Variants in DYM observed in about 807,000 individuals in gnomAD.
DYM encodes the protein dymeclin.
In DYM, 78 loss-of-function variants were observed where a neutral mutation model predicts 93.1. That is an observed-to-expected ratio of 0.84 (90% CI 0.70 to 1.01). The LOEUF (loss-of-function observed/expected upper bound fraction) is 1.01. Among genes scored for constraint, DYM ranks in the 50% least tolerant of loss-of-function variants. DYM has a pLI of 0.00. For synonymous variants in DYM, 321 were observed against 319.7 expected (o/e 1.00, Z -0.04); for missense variants, 789 against 845.0 (o/e 0.93, Z 0.82).
intron 8 of DYM, among the ~76,000 whole-genome samples, chr18:49,293,152 GA>G (rs1273839865): frequency 6.6e-6 from 1 of 152,112 alleles, no homozygotes; most frequent in Non-Finnish European, 1.5e-5. Flanking sequence ...CAAAGGACAT[GA>G]ATTCATCTTT....
intron 14 of DYM, among the ~76,000 whole-genome samples, chr18:49,166,203 C>T (rs185320754): frequency 1.2e-4 from 18 of 152,238 alleles, no homozygotes; most frequent in Admixed American, 3.3e-4. Context: ...TGCATTAATG[C>T]ATGTAAACAA....
At chr18:49,142,352 T>C (rs898519715) in intron 15 of DYM, among the ~76,000 whole-genome samples, 1 of 152,212 alleles carries the variant, frequency 6.6e-6, no homozygotes, top group Non-Finnish European at 1.5e-5. Context: ...CACATGGCTA[T>C]TAAGAGACAG....
At chr18:49,403,897 T>C (rs1599955987) in intron 2 of DYM, among the ~76,000 whole-genome samples, 1 of 152,246 alleles carries the variant, frequency 6.6e-6, no homozygotes, top group Non-Finnish European at 1.5e-5. Context: ...TGCATCCATG[T>C]TGCTTGCAAA....
intron 8 of DYM, among the ~76,000 whole-genome samples, chr18:49,331,315 C>A (rs1045535745): frequency 6.6e-5 from 10 of 152,322 alleles, no homozygotes; most frequent in Admixed American, 5.9e-4. Flanking sequence ...GAAATGAGGA[C>A]TTATTGTAAG....
intron 2 of DYM, among the ~76,000 whole-genome samples, chr18:49,403,469 C>T (rs907196146): frequency 3.3e-5 from 5 of 152,086 alleles, no homozygotes; most frequent in Non-Finnish European, 2.9e-5. Context: ...TTGATACAGC[C>T]ATCTTGTGAA....
At chr18:49,423,949 G>A (rs1217121752) in intron 2 of DYM, among the ~76,000 whole-genome samples, 3 of 152,180 alleles carry the variant, frequency 2.0e-5, no homozygotes, top group Non-Finnish European at 4.4e-5. Context: ...TGGATTCACA[G>A]CCGAATTCTA....
chr18:49,407,774 C>T (rs2071680108), intron 2 of DYM, among the ~76,000 whole-genome samples: 1 of 152,156 alleles, frequency 6.6e-6, no homozygotes, highest in African/African-American at 2.4e-5. Flanking sequence ...CAGCTGAAAT[C>T]TCAATAAGCT....
intron 13 of DYM, among the ~76,000 whole-genome samples, chr18:49,216,073 T>TA (rs2093023966): frequency 1.3e-5 from 2 of 152,166 alleles, no homozygotes; most frequent in Admixed American, 6.5e-5. Flanking sequence ...CCGATGGGCT[T>TA]AAAAAACGGT....
chr18:49,442,336 G>C (rs1045872374), intron 1 of DYM, among the ~76,000 whole-genome samples: 3 of 152,204 alleles, frequency 2.0e-5, no homozygotes, highest in Middle Eastern at 3.4e-3. Flanking sequence ...CTTGAGCCCA[G>C]GACTTGGAGA....
chr18:49,074,484 A>G (rs1212582369), intron 17 of DYM, among the ~76,000 whole-genome samples: 2 of 152,156 alleles, frequency 1.3e-5, no homozygotes, highest in African/African-American at 4.8e-5. Context: ...ATACAGAGAG[A>G]TAACTGTATT....
At chr18:49,350,249 A>G (rs2064992402) in intron 6 of DYM, among the ~76,000 whole-genome samples, 1 of 152,224 alleles carries the variant, frequency 6.6e-6, no homozygotes, top group Admixed American at 6.5e-5. Context: ...CTGGAAATGA[A>G]CTAAATTTTC....
At chr18:49,206,011 G>GTTTTTT (rs61590334) in intron 14 of DYM, 6 of 135,976 alleles carry the variant, frequency 4.4e-5, no homozygotes, top group Admixed American at 8.2e-5. Context: ...TTGTTTTTTT[G>GTTTTTT]TTTTTTGCGG....
chr18:49,107,390 C>A (rs895236045), intron 16 of DYM, among the ~76,000 whole-genome samples: 1 of 152,154 alleles, frequency 6.6e-6, no homozygotes, highest in African/African-American at 2.4e-5. Context: ...TCATCTGAAG[C>A]CTTCTTCTCT....
intron 13 of DYM, among the ~76,000 whole-genome samples, chr18:49,229,568 A>C (rs1186119293): frequency 6.6e-6 from 1 of 152,178 alleles, no homozygotes; most frequent in Non-Finnish European, 1.5e-5. Flanking sequence ...TAAAACCATG[A>C]GTGAGCACCA....
chr18:49,368,817 T>C (rs12606832), intron 5 of DYM: 13,913 of 152,266 alleles, frequency 0.091, 863 homozygotes, highest in East Asian at 0.31. Context: ...ATGTTTTAAG[T>C]CTGGGGAGAA....
At chr18:49,347,149 A>T (rs1427469271) in intron 6 of DYM, among the ~76,000 whole-genome samples, 1 of 152,202 alleles carries the variant, frequency 6.6e-6, no homozygotes, top group Non-Finnish European at 1.5e-5. Flanking sequence ...AAATTCAAAA[A>T]ATCATAAGTC....
chr18:49,234,193 G>C (rs2093792878), intron 13 of DYM, among the ~76,000 whole-genome samples: 1 of 151,948 alleles, frequency 6.6e-6, no homozygotes, highest in Non-Finnish European at 1.5e-5. Flanking sequence ...GGTGGCTCAT[G>C]CCTGTAATCT....
chr18:49,167,445 A>G (rs2088049581), intron 14 of DYM, among the ~76,000 whole-genome samples: 1 of 152,194 alleles, frequency 6.6e-6, no homozygotes, highest in South Asian at 2.1e-4. Context: ...AGAGAAACAG[A>G]GAATTCACAC....
intron 11 of DYM, among the ~76,000 whole-genome samples, chr18:49,266,826 TC>T (rs1384597822): frequency 6.6e-6 from 1 of 152,236 alleles, no homozygotes; most frequent in Non-Finnish European, 1.5e-5. Flanking sequence ...TACATTTTTT[TC>T]TTTCTAGCAT....
Sources: gnomAD v4.1 joint callset for allele counts (sites outside exome capture counted in the v4.1 genomes callset) on GRCh38, gnomAD v4.1.1 for gene constraint, MANE v1.5 for transcripts, NCBI Gene and HGNC (gene_info 2026-07-23, HGNC 2026-07-21) for gene names.